The following SCFD2 variants were observed in gnomAD, a reference collection of about 807,000 sequenced individuals.
SCFD2 encodes sec1 family domain-containing protein 2.
Under a neutral mutation model 58.9 loss-of-function variants are expected in SCFD2, and 54 were observed. That is an observed-to-expected ratio of 0.92 (90% confidence interval 0.74 to 1.15). The LOEUF (loss-of-function observed/expected upper bound fraction) is 1.15. SCFD2 is among the 50% of genes most tolerant of loss of function. SCFD2 has a pLI of 0.00. For synonymous variants in SCFD2, 321 were observed against 335.9 expected, an observed-to-expected ratio of 0.96 and a Z score of 0.49; for missense variants, 805 against 836.6, an observed-to-expected ratio of 0.96 and a Z score of 0.47.
intron 3 of SCFD2, among the ~76,000 whole-genome samples, chr4:53,280,864 A>G (rs1344034353): frequency 6.6e-6 from 1 of 152,172 alleles, no homozygotes; most frequent in Non-Finnish European, 1.5e-5. Context: ...AATTATGTCA[A>G]TATTATTCAA....
At chr4:53,296,174 CTCTT>C (rs1732023312) in intron 3 of SCFD2, among the ~76,000 whole-genome samples, 1 of 152,298 alleles carries the variant, frequency 6.6e-6, no homozygotes, top group Admixed American at 6.5e-5. Flanking sequence ...GGAGGATTCC[CTCTT>C]TTTTTATTGA....
At chr4:53,166,852 C>T (rs902525357) in intron 4 of SCFD2, among the ~76,000 whole-genome samples, 46 of 145,552 alleles carry the variant, frequency 3.2e-4, no homozygotes, top group Admixed American at 6.1e-4. Context: ...AAAAAAAGGA[C>T]TCCACATACT....
rs1455330928 is a variant in SCFD2, at chr4:53,247,587, C to T, written c.1311+26239G>A. Among the ~76,000 whole-genome samples the T allele has an allele frequency of 6.6e-5, 10 of 152,208 alleles. No individual in the cohort carries two copies. In the South Asian group the frequency reaches 1.2e-3, roughly 19 times the overall value. ...AAAAATAACAAGATCAGGCCGGGCG[C>T]GGTGGCTCACGCCTGTAATCCCAGC... On this transcript the variant is annotated intron_variant, in intron 4 of 8. Transcript: ENST00000401642.
intron 4 of SCFD2, among the ~76,000 whole-genome samples, chr4:53,240,826 C>T (rs1363055949): frequency 2.2e-4 from 33 of 152,146 alleles, no homozygotes; most frequent in Admixed American, 1.8e-3. Flanking sequence ...GCCTTGAGTT[C>T]GATTTCTTAG....
At chr4:52,971,300 A>C (rs1415886739) in intron 5 of SCFD2, among the ~76,000 whole-genome samples, 1 of 152,208 alleles carries the variant, frequency 6.6e-6, no homozygotes. Flanking sequence ...AACTAGAATA[A>C]CCAATGCAGA....
chr4:53,057,122 T>C (rs764873236), intron 5 of SCFD2, among the ~76,000 whole-genome samples: 12 of 152,104 alleles, frequency 7.9e-5, no homozygotes, highest in Admixed American at 4.6e-4. Flanking sequence ...GAGGTGGAGA[T>C]TGCAGTGAGC....
intron 5 of SCFD2, among the ~76,000 whole-genome samples, chr4:53,117,813 T>C (rs1304638121): frequency 6.6e-6 from 1 of 152,024 alleles, no homozygotes; most frequent in South Asian, 2.1e-4. Flanking sequence ...TTTATATAAA[T>C]AGAGTCACAG....
intron 3 of SCFD2, among the ~76,000 whole-genome samples, chr4:53,276,376 G>C (rs542347201): frequency 6.6e-6 from 1 of 152,104 alleles, no homozygotes; most frequent in African/African-American, 2.4e-5. Flanking sequence ...TAAAAGACTT[G>C]AGTGGAAATC....
At chr4:52,952,066 CAG>C (rs1162627925) in intron 5 of SCFD2, among the ~76,000 whole-genome samples, 1 of 152,062 alleles carries the variant, frequency 6.6e-6, no homozygotes, top group Non-Finnish European at 1.5e-5. Context: ...TACACGGAGA[CAG>C]TACCTAGAGA....
At chr4:53,298,414 G>C (rs1443253628) in intron 3 of SCFD2, among the ~76,000 whole-genome samples, 1 of 152,208 alleles carries the variant, frequency 6.6e-6, no homozygotes, top group African/African-American at 2.4e-5. Context: ...GCCCACCATA[G>C]CTCAGGCTTG....
At chr4:53,004,718 G>C (rs188613445) in intron 5 of SCFD2, among the ~76,000 whole-genome samples, 1 of 152,136 alleles carries the variant, frequency 6.6e-6, no homozygotes, top group African/African-American at 2.4e-5. Context: ...ACGGTCGGAG[G>C]CATTCTAGAA....
At chr4:52,999,723 T>C (rs1286395432) in intron 5 of SCFD2, among the ~76,000 whole-genome samples, 1 of 152,214 alleles carries the variant, frequency 6.6e-6, no homozygotes, top group African/African-American at 2.4e-5. Context: ...CTGCTTCTTC[T>C]ATAATGTTGT....
Position 53,207,404 on chromosome 4 carries a change from A to G in SCFD2, c.1312-61822T>C, listed in dbSNP as rs554173084. On this transcript the variant is annotated intron_variant, in intron 4 of 8. Coordinates refer to ENST00000401642, the MANE Select transcript of SCFD2 (RefSeq NM_152540.4). The stretch of plus-strand genomic sequence containing the variant: ...AACTGCTATACTGACAAAACCAACA[A>G]TCCTTAGTGTCTGGAAAAGGTCAAA... Among the ~76,000 whole-genome samples, 27 of 145,084 alleles carry G rather than the reference A, an allele frequency of 1.9e-4. No homozygotes were observed. The East Asian group carries it at 5.3e-3, about 28-fold the overall frequency.
At chr4:53,002,409 A>C (rs1040839045) in intron 5 of SCFD2, among the ~76,000 whole-genome samples, 4 of 152,154 alleles carry the variant, frequency 2.6e-5, no homozygotes, top group African/African-American at 9.7e-5. Flanking sequence ...GATATACAGC[A>C]CTGGGTGGGG....
intron 4 of SCFD2, among the ~76,000 whole-genome samples, chr4:53,165,455 T>G (rs17082480): frequency 0.038 from 5,818 of 152,232 alleles, 386 homozygotes; most frequent in African/African-American, 0.13. Flanking sequence ...ATCTCAGAGA[T>G]CCATGGCATG....
intron 5 of SCFD2, among the ~76,000 whole-genome samples, chr4:52,999,694 T>C (rs1391376963): frequency 1.3e-5 from 2 of 152,214 alleles, no homozygotes; most frequent in African/African-American, 4.8e-5. Context: ...CATTTGACTA[T>C]GAGCTTTACA....
At chr4:53,155,554 G>A (rs970662645) in intron 4 of SCFD2, among the ~76,000 whole-genome samples, 6 of 152,150 alleles carry the variant, frequency 3.9e-5, no homozygotes, top group Admixed American at 1.3e-4. Context: ...GGCTCAATAC[G>A]TACTTGCTGA....
chr4:53,252,883 C>G (rs1237411160), intron 4 of SCFD2, among the ~76,000 whole-genome samples: 1 of 152,118 alleles, frequency 6.6e-6, no homozygotes, highest in African/African-American at 2.4e-5. Context: ...CCAAAATTGA[C>G]AAATGGGATC....
intron 4 of SCFD2, among the ~76,000 whole-genome samples, chr4:53,148,357 C>T (rs1353212092): frequency 1.3e-5 from 2 of 152,076 alleles, no homozygotes; most frequent in Non-Finnish European, 2.9e-5. Flanking sequence ...GTTGTACATG[C>T]CAATTTCTAA....
Sources: gnomAD v4.1 joint callset for allele counts (sites outside exome capture counted in the v4.1 genomes callset) on GRCh38, gnomAD v4.1.1 for gene constraint, MANE v1.5 for transcripts, NCBI Gene and HGNC (gene_info 2026-07-23, HGNC 2026-07-21) for gene names.